The following CDH22 variants were observed in gnomAD, a reference collection of about 807,000 sequenced individuals.
The protein encoded by CDH22 is cadherin 22, also known as cadherin-22.
In CDH22, 30 loss-of-function variants were observed where a neutral mutation model predicts 58.4. That is an observed-to-expected ratio of 0.51 (90% CI 0.38 to 0.70). The LOEUF (loss-of-function observed/expected upper bound fraction) is 0.70. CDH22 is among the 30% of genes least tolerant of loss of function. The pLI, the probability that CDH22 is intolerant of heterozygous loss-of-function variation, is 0.00. For missense variants in CDH22, 1,014 were observed against 1,233.9 expected, an observed-to-expected ratio of 0.82 and a Z score of 2.67; for synonymous variants, 513 against 558.2, an observed-to-expected ratio of 0.92 and a Z score of 1.14.
At chr20:46,230,418 A>T (rs2145715241) in intron 3 of CDH22, among the ~76,000 whole-genome samples, 1 of 152,276 alleles carries the variant, frequency 6.6e-6, no homozygotes, top group Admixed American at 6.5e-5. Flanking sequence ...CAACTGGCCC[A>T]CAAAACTCCT....
chr20:46,284,916 G>C (rs1226760981), intron 1 of CDH22, among the ~76,000 whole-genome samples: 1 of 152,096 alleles, frequency 6.6e-6, no homozygotes, highest in African/African-American at 2.4e-5. Context: ...TGTCCTTCTG[G>C]GATGGGCACA....
At chr20:46,198,732 G>C (rs887832908) in intron 8 of CDH22, among the ~76,000 whole-genome samples, 1 of 152,128 alleles carries the variant, frequency 6.6e-6, no homozygotes, top group Non-Finnish European at 1.5e-5. Context: ...AACCACACTG[G>C]CCTCTTTGCT....
chr20:46,206,948 C>T (rs2086006010), intron 7 of CDH22, among the ~76,000 whole-genome samples: 1 of 152,300 alleles, frequency 6.6e-6, no homozygotes, highest in East Asian at 1.9e-4. Flanking sequence ...TGGCAGCACA[C>T]ATGGCCTGTG....
At chr20:46,294,766 GA>G (rs2086621151) in intron 1 of CDH22, among the ~76,000 whole-genome samples, 1 of 152,218 alleles carries the variant, frequency 6.6e-6, no homozygotes, top group African/African-American at 2.4e-5. Flanking sequence ...CTACTCTGTA[GA>G]AGGGAAGAGG....
At position 46,291,408 on chromosome 20, in the gene CDH22, G is replaced by C. The variant is rs78385880; in HGVS notation, c.-400+16847C>G. Among the ~76,000 whole-genome samples the C allele has an allele frequency of 7.7e-3, 1,175 of 152,266 alleles. 9 individuals are homozygous for C. The highest frequency in any genetic ancestry group is 0.027 in the African/African-American group (1,114 of 41,536). ...GTTAACTCATTTTTAATCCTCCATTGAGCCTGTGTGATGGGTACTACCATA... is the reference window on the plus strand; with the variant it reads ...GTTAACTCATTTTTAATCCTCCATTCAGCCTGTGTGATGGGTACTACCATA... On this transcript the variant is annotated intron_variant, in intron 1 of 11. Transcript: ENST00000537909.
Position 46,251,139 on chromosome 20 carries a change from G to T in CDH22, c.156C>A (p.Asp52Glu). The T allele has an allele frequency of 6.2e-7, 1 of 1,601,142 alleles. No individual in the cohort carries two copies. Among genetic ancestry groups the T allele is most frequent in the Non-Finnish European group, 8.5e-7 (1 of 1,174,516 alleles). The change falls in exon 2 of 12, where the codon GAC becomes GAA. Residue 52 changes from aspartate (D) to glutamate (E), a missense_variant. This residue lies in a region of CDH22 where 806 missense variants were observed against 1,038.7 expected (regional missense o/e 0.78). Transcript: ENST00000537909. This position sits in a 1 kb window ranked among gnomAD's most constrained non-coding sequence, Gnocchi z 6.7. ...PSPSAPGARQ[D>E]GALGAGRVKR... ...TGACGCGGCCGGCTCCCAGCGCGCCGTCCTGCCGAGCTCCGGGCGCCGACG... is the reference window on the plus strand; with the variant it reads ...TGACGCGGCCGGCTCCCAGCGCGCCTTCCTGCCGAGCTCCGGGCGCCGACG...
In CDH22 at chr20:46,216,291, A is replaced by G. The variant is rs137868724; in HGVS notation, c.838+535T>C. On this transcript the variant is annotated intron_variant, in intron 5 of 11. Coordinates refer to ENST00000537909, the MANE Select transcript of CDH22 (RefSeq NM_021248.3). The surrounding 1 kb of genome is among the most constrained non-coding windows in gnomAD (Gnocchi z 5.3). ...TGGAAAGGCCTCCTAATTCAGAAGC[A>G]CAGAGTCGCGCTACCCAGGCTCAGA... Among the ~76,000 whole-genome samples the G allele has an allele frequency of 2.9e-4, 44 of 152,320 alleles. No homozygotes were observed. The highest frequency in any genetic ancestry group is 1.0e-3 in the African/African-American group (43 of 41,570).
At chr20:46,201,774 C>T (rs985090050) in intron 7 of CDH22, among the ~76,000 whole-genome samples, 1 of 152,164 alleles carries the variant, frequency 6.6e-6, no homozygotes, top group Non-Finnish European at 1.5e-5. Flanking sequence ...AACCCATATT[C>T]TTCTTGCCCC....
intron 8 of CDH22, 22 bp downstream of exon 8, chr20:46,199,401 G>C (rs764718063): frequency 6.2e-7 from 1 of 1,602,148 alleles, no homozygotes; most frequent in Admixed American, 1.7e-5. Flanking sequence ...TGCCCTTGGA[G>C]GGGGCGTGGC....
At chr20:46,194,945 C>T (rs1277429110) in intron 8 of CDH22, among the ~76,000 whole-genome samples, 2 of 152,054 alleles carry the variant, frequency 1.3e-5, no homozygotes, top group South Asian at 4.2e-4. Flanking sequence ...GGCCAGGCTG[C>T]TCTTGAACTC....
At chr20:46,304,551 C>T (rs981316419) in intron 1 of CDH22, among the ~76,000 whole-genome samples, 4 of 152,214 alleles carry the variant, frequency 2.6e-5, no homozygotes, top group Admixed American at 2.0e-4. Flanking sequence ...GAGCTGGTAA[C>T]AAGTGGATGG....
chr20:46,283,518 C>T (rs1362017010), intron 1 of CDH22, among the ~76,000 whole-genome samples: 1 of 152,166 alleles, frequency 6.6e-6, no homozygotes, highest in Non-Finnish European at 1.5e-5. Context: ...ACCGTAGTTA[C>T]AAGAAATGAC....
At chr20:46,187,446 T>G (rs2085834588) in intron 8 of CDH22, among the ~76,000 whole-genome samples, 4 of 150,914 alleles carry the variant, frequency 2.7e-5, no homozygotes, top group Admixed American at 2.6e-4. Flanking sequence ...ACCATCACCA[T>G]CAGGTCATCA....
chr20:46,307,481 G>A (rs1353914441), intron 1 of CDH22, among the ~76,000 whole-genome samples: 1 of 152,206 alleles, frequency 6.6e-6, no homozygotes, highest in Non-Finnish European at 1.5e-5. Context: ...TTAGGCTGTC[G>A]GGGGCCCCGT....
intron 2 of CDH22, among the ~76,000 whole-genome samples, chr20:46,248,723 A>G (rs919274132): frequency 5.9e-5 from 9 of 152,144 alleles, no homozygotes; most frequent in African/African-American, 2.2e-4. Flanking sequence ...GAGGCAGGAG[A>G]ATCGCTTGAA....
At chr20:46,253,519 T>G (rs1463387420) in intron 1 of CDH22, among the ~76,000 whole-genome samples, 1 of 152,188 alleles carries the variant, frequency 6.6e-6, no homozygotes, top group Non-Finnish European at 1.5e-5. Context: ...GAACATACCC[T>G]GCCTGGTATG....
At chr20:46,181,823 T>G (rs1348389725) in intron 10 of CDH22, among the ~76,000 whole-genome samples, 1 of 147,560 alleles carries the variant, frequency 6.8e-6, no homozygotes, top group Non-Finnish European at 1.5e-5. Flanking sequence ...CTTTCTTTCT[T>G]CCTTTCTTCC....
At position 46,209,121 on chromosome 20, in the gene CDH22, G is replaced by C. The variant is rs1422759912; in HGVS notation, c.1286+1186C>G. On this transcript the variant is annotated intron_variant, in intron 7 of 11. Coordinates refer to ENST00000537909, the MANE Select transcript of CDH22 (RefSeq NM_021248.3). ...AGCAGCAGAGGAAGACAGGGGATAG[G>C]AAGAGTCAGGGCTAAGGGTTGGGGT... Among the ~76,000 whole-genome samples the C allele has an allele frequency of 2.0e-5, 3 of 152,332 alleles. No homozygotes were observed. In the East Asian group the frequency reaches 5.8e-4, roughly 29 times the overall value.
At chr20:46,212,604 T>G (rs2086051190) in intron 6 of CDH22, among the ~76,000 whole-genome samples, 1 of 152,148 alleles carries the variant, frequency 6.6e-6, no homozygotes, top group South Asian at 2.1e-4. Flanking sequence ...CCCCTTTACC[T>G]CTCTCAGCAT....
Sources: allele counts gnomAD v4.1 joint callset (sites outside exome capture counted in the v4.1 genomes callset), GRCh38; gene constraint gnomAD v4.1.1; regional missense constraint gnomAD v4.1.1; non-coding constraint Gnocchi (gnomAD v3.1); transcripts MANE v1.5; gene names NCBI Gene and HGNC (gene_info 2026-07-23, HGNC 2026-07-21).